RP1L1: variants seen among roughly 807,000 people sequenced by gnomAD.
The protein encoded by RP1L1 is RP1 like 1, also known as retinitis pigmentosa 1-like 1 protein.
RP1L1 carries 27 observed loss-of-function variants against 15.7 expected under a neutral mutation model. The ratio of observed to expected loss-of-function variants is 1.72; its 90% CI spans 1.27 to 2.38. RP1L1 has a LOEUF of 2.38. RP1L1 is among the 30% of genes most tolerant of loss of function. The probability of loss-of-function intolerance (pLI) is 0.00; values close to 1 mark genes in which losing one functional copy is unlikely to be tolerated. For synonymous variants in RP1L1, 1,813 were observed against 1,276.7 expected, an observed-to-expected ratio of 1.42 and a Z score of -8.96; for missense variants, 4,798 against 3,075.9, an observed-to-expected ratio of 1.56 and a Z score of -13.24.
rs950964409 is a variant in RP1L1 at position 10,606,762 on chromosome 8, C to G, written c.*133G>C. 4 of 1,475,786 alleles carry G rather than the reference C, an allele frequency of 2.7e-6. No individual in the cohort carries two copies. The East Asian group carries it at 9.5e-5, about 35-fold the overall frequency. 91.4% of individuals were successfully genotyped at this position (1,475,786 alleles called of 1,614,324 possible). On this transcript the variant is annotated 3_prime_UTR_variant, in exon 4 of 4. Transcript: ENST00000382483. ...AGGACAGCATGGCATGGGCTGTGTC[C>G]TTGGCAAGTCCTTGGTCTTTGTCCA...
intron 1 of RP1L1, among the ~76,000 whole-genome samples, chr8:10,630,691 T>A (rs941728169): frequency 2.6e-5 from 4 of 152,164 alleles, no homozygotes; most frequent in Admixed American, 1.3e-4. Context: ...GGGACTCAGG[T>A]TCCCATCAGT....
In RP1L1 at chr8:10,610,123, A is replaced by G; in HGVS notation, c.3975T>C (p.Thr1325=). ...LQEEAVQLEE[T]KTEEGLQEEG... Reference sequence around the variant, plus strand: ...CTTCTTGCAGCCCTTCTTCTGTTTTAGTTTCCTCTAACTGCACCGCCTCTT... The same window carrying G: ...CTTCTTGCAGCCCTTCTTCTGTTTTGGTTTCCTCTAACTGCACCGCCTCTT... Residue 1325 remains threonine, a synonymous_variant, in exon 4 of 4, where the codon ACT becomes ACC. Coordinates refer to ENST00000382483, the MANE Select transcript of RP1L1 (RefSeq NM_178857.6). 2.0e-6 allele frequency: 3 copies of G among 1,473,460 alleles called. No homozygotes were observed. The highest frequency in any genetic ancestry group is 3.1e-5 in the East Asian group (1 of 32,696). The allele number at this position is 1,473,460 out of a possible 1,614,324, so 91.3% of individuals were successfully genotyped here. A position where few individuals can be genotyped will look rare whatever the true frequency, so the allele number is the denominator to read the frequency against.
chr8:10,618,840 GT>G (rs1798013957), intron 2 of RP1L1, among the ~76,000 whole-genome samples: 2 of 152,014 alleles, frequency 1.3e-5, no homozygotes, highest in African/African-American at 2.4e-5. Flanking sequence ...TTCTTTGTTT[GT>G]TTTGGTTTTC....
chr8:10,608,374 G>A lies in RP1L1; in HGVS notation c.5724C>T (p.Ala1908=), dbSNP rs527868296. The change falls in exon 4 of 4, where the codon GCC becomes GCT. Residue 1908 remains alanine (A), a synonymous_variant. Transcript: ENST00000382483. ...EVQPESEGAE[A]PEAEKEAQPE... is the part of the protein sequence containing the mutation. ...GCTGGGCCTCCTTTTCTGCCTCCGG[G>A]GCTTCTGCACCTTCTGACTCTGGCT... 6.2e-7 allele frequency: 1 copy of A among 1,611,742 alleles called. No homozygotes were observed. The highest frequency in any genetic ancestry group is 1.1e-5 in the South Asian group (1 of 90,968).
Position 10,607,180 on chromosome 8 carries a change from C to A in RP1L1, c.6918G>T (p.Trp2306Cys). 1 of 1,614,222 alleles carries A rather than the reference C, an allele frequency of 6.2e-7. No individual in the cohort carries two copies. The highest frequency in any genetic ancestry group is 1.1e-5 in the South Asian group (1 of 91,086). Residue 2306 changes from tryptophan to cysteine, a missense_variant, in exon 4 of 4, where the codon TGG becomes TGT. Trp to Cys is a radical substitution (Grantham distance 215). Transcript: ENST00000382483. ...TGPSSSRASS[W>C]GNCWQKDSEN... The stretch of plus-strand genomic sequence containing the variant: ...CTGAGTCTTTCTGCCAGCAGTTGCC[C>A]CAAGAGGATGCTCTGGAGGAGGAAG...
intron 2 of RP1L1, 54 bp from the exon 3 acceptor site, chr8:10,616,641 C>G (rs1797971041): frequency 6.4e-7 from 1 of 1,561,552 alleles, no homozygotes; most frequent in Non-Finnish European, 8.6e-7. Context: ...ACCCCTCTAC[C>G]CTGAGGCCTG....
intron 1 of RP1L1, among the ~76,000 whole-genome samples, chr8:10,651,443 C>T (rs1490685110): frequency 6.6e-6 from 1 of 152,118 alleles, no homozygotes; most frequent in East Asian, 1.9e-4. Context: ...AAAAGCTATG[C>T]TCGGGCCGGG....
chr8:10,616,645 A>C (rs1344025196), intron 2 of RP1L1, 58 bp from the exon 3 acceptor site: 1 of 1,554,332 alleles, frequency 6.4e-7, no homozygotes, highest in Non-Finnish European at 8.7e-7. Flanking sequence ...CTCTACCCTG[A>C]GGCCTGGGGG....
chr8:10,637,109 C>T (rs1413177992), intron 1 of RP1L1, among the ~76,000 whole-genome samples: 2 of 152,214 alleles, frequency 1.3e-5, no homozygotes, highest in Non-Finnish European at 2.9e-5. Context: ...ATGCAAGGTT[C>T]GCTCAGGGCC....
chr8:10,609,040 G>A lies in RP1L1; in HGVS notation c.5058C>T (p.Ala1686=), dbSNP rs764396809. The A allele has an allele frequency of 4.3e-6, 7 of 1,613,814 alleles. No individual in the cohort carries two copies. Among genetic ancestry groups the A allele is most frequent in the East Asian group, 2.2e-5 (1 of 44,858 alleles). The change falls in exon 4 of 4, where the codon GCC becomes GCT. Residue 1686 remains alanine, a synonymous_variant. Transcript: ENST00000382483. The part of the protein sequence containing the change: ...MGATRGPIKE[A]FDLQQILQRK... ...TCTGCAGAATCTGCTGCAGGTCAAAGGCCTCTTTGATGGGACCTCTGGTTG... is the reference window on the plus strand; with the variant it reads ...TCTGCAGAATCTGCTGCAGGTCAAAAGCCTCTTTGATGGGACCTCTGGTTG...
rs116342620 is a variant in RP1L1 at position 10,638,180 on chromosome 8, C to G, written c.-19-14960G>C. On this transcript the variant is annotated intron_variant, in intron 1 of 3. Coordinates refer to ENST00000382483, the MANE Select transcript of RP1L1 (RefSeq NM_178857.6). ...GGTAGGGCTTAACATCGATTACACA[C>G]GTGAACCCAAAAATACCGATATGCT... Among the ~76,000 whole-genome samples the G allele has an allele frequency of 1.3e-3, 204 of 152,344 alleles. 2 individuals carry two copies. Among genetic ancestry groups the G allele is most frequent in the African/African-American group, 3.6e-3 (148 of 41,578 alleles).
intron 1 of RP1L1, 144 bp from the exon 2 acceptor site, chr8:10,623,364 T>A (rs1450414333): frequency 2.9e-6 from 2 of 686,098 alleles, no homozygotes; most frequent in South Asian, 4.0e-5. Flanking sequence ...TCTATTTGGA[T>A]GGAACAGAAG....
rs2117187769 is a variant in RP1L1, at chr8:10,606,684, T to C, written c.*211A>G. On this transcript the variant is annotated 3_prime_UTR_variant, in exon 4 of 4. Transcript: ENST00000382483. ...CCGCAGACACCCCCTTTCTTCACAC[T>C]GCGTGTGGGACGGGCCGCAGAGCTC... is the stretch of plus-strand genomic sequence containing the variant. The C allele has an allele frequency of 1.3e-6, 1 of 754,544 alleles. No individual in the cohort carries two copies. The highest frequency in any genetic ancestry group is 2.1e-6 in the Non-Finnish European group (1 of 482,500). 46.7% of individuals were successfully genotyped at this position (754,544 alleles called of 1,614,324 possible).
At chr8:10,653,013 A>G (rs1199887892) in intron 1 of RP1L1, among the ~76,000 whole-genome samples, 1 of 152,224 alleles carries the variant, frequency 6.6e-6, no homozygotes, top group Non-Finnish European at 1.5e-5. Context: ...GGTCTGAGGC[A>G]GGGTGAAAAC....
chr8:10,625,151 A>G (rs1798136790), intron 1 of RP1L1, among the ~76,000 whole-genome samples: 1 of 152,156 alleles, frequency 6.6e-6, no homozygotes, highest in Non-Finnish European at 1.5e-5. Context: ...TCCTTTCAAA[A>G]TCATGAGGTT....
intron 2 of RP1L1, among the ~76,000 whole-genome samples, chr8:10,620,057 A>C (rs571897791): frequency 4.5e-4 from 68 of 152,178 alleles, no homozygotes; most frequent in African/African-American, 1.6e-3. Context: ...ATGGCAACTG[A>C]AACATAGTGC....
At chr8:10,626,498 C>G (rs1220310230) in intron 1 of RP1L1, among the ~76,000 whole-genome samples, 1 of 152,178 alleles carries the variant, frequency 6.6e-6, no homozygotes, top group Non-Finnish European at 1.5e-5. Context: ...CCTTTGCACG[C>G]TCTCCACCAT....
intron 1 of RP1L1, among the ~76,000 whole-genome samples, chr8:10,641,546 G>A (rs1240184522): frequency 6.6e-6 from 1 of 152,184 alleles, no homozygotes; most frequent in Non-Finnish European, 1.5e-5. Flanking sequence ...TTTTTACAGT[G>A]CTATTTTTAG....
At position 10,610,773 on chromosome 8, in the gene RP1L1, T is replaced by C; in HGVS notation, c.3325A>G (p.Arg1109Gly). The C allele has an allele frequency of 1.2e-6, 2 of 1,613,284 alleles. No individual in the cohort carries two copies. Among genetic ancestry groups the C allele is most frequent in the Non-Finnish European group, 1.7e-6 (2 of 1,179,984 alleles). The change falls in exon 4 of 4, where the codon AGG becomes GGG. Residue 1109 changes from arginine (R) to glycine (G), a missense_variant. Coordinates refer to ENST00000382483, the MANE Select transcript of RP1L1 (RefSeq NM_178857.6). ...SVPEVSRPMA[R>G]RLSCSAGALI... Reference sequence around the variant, plus strand: ...GCCCCGGCTGAGCAGCTGAGCCTCCTGGCCATGGGCCTAGACACTTCGGGC... The same window carrying C: ...GCCCCGGCTGAGCAGCTGAGCCTCCCGGCCATGGGCCTAGACACTTCGGGC...
Sources: allele counts gnomAD v4.1 joint callset (sites outside exome capture counted in the v4.1 genomes callset), GRCh38; gene constraint gnomAD v4.1.1; transcripts MANE v1.5; gene names NCBI Gene and HGNC (gene_info 2026-07-23, HGNC 2026-07-21).